Variants in CDCA7L observed in about 807,000 individuals in gnomAD.
CDCA7L encodes cell division cycle associated 7 like, also known as cell division cycle-associated 7-like protein.
Under a neutral mutation model 57.4 loss-of-function variants are expected in CDCA7L, and 44 were observed. The observed-to-expected ratio is 0.77, with a 90% CI of 0.60 to 0.98. The LOEUF (loss-of-function observed/expected upper bound fraction) is 0.98. Ranked by LOEUF, CDCA7L falls within the 50% of genes least tolerant of loss-of-function variation. The pLI is 0.00. For synonymous variants in CDCA7L, 236 were observed against 202.8 expected (o/e 1.16, Z -1.39); for missense variants, 644 against 580.6 (o/e 1.11, Z -1.12).
Position 21,909,643 on chromosome 7 carries a change from G to T in CDCA7L, c.304-1136C>A, listed in dbSNP as rs192770711. 5.9e-5 allele frequency among the ~76,000 whole-genome samples: 9 copies of T among 152,230 alleles called. 1 individual carries two copies. The South Asian group carries it at 8.3e-4, about 14-fold the overall frequency. ...ATACCCTGAACTTCCCATATTAATA[G>T]CTTCAGAATTCAAAATGGTGTACTG... On this transcript the variant is annotated intron_variant, in intron 3 of 9. Coordinates refer to ENST00000406877, the MANE Select transcript of CDCA7L (RefSeq NM_018719.5).
chr7:21,902,949 G>GT (rs777549934), intron 9 of CDCA7L, 29 bp downstream of exon 9: 57 of 1,605,648 alleles, frequency 3.5e-5, no homozygotes, highest in Middle Eastern at 3.6e-4. Context: ...ATTTCAAGCT[G>GT]TTTTGTAAGC....
chr7:21,927,853 C>A (rs1785875103), intron 1 of CDCA7L, among the ~76,000 whole-genome samples: 1 of 152,240 alleles, frequency 6.6e-6, no homozygotes, highest in South Asian at 2.1e-4. Context: ...CTCCCTGGGA[C>A]AGAGCACCTG....
intron 1 of CDCA7L, among the ~76,000 whole-genome samples, chr7:21,933,378 T>C (rs924430127): frequency 1.3e-5 from 2 of 152,160 alleles, no homozygotes; most frequent in Non-Finnish European, 2.9e-5. Flanking sequence ...CTGTTCACGA[T>C]AGCAAAGACT....
intron 1 of CDCA7L, among the ~76,000 whole-genome samples, chr7:21,917,760 T>A (rs10447610): frequency 0.45 from 68,616 of 152,008 alleles, 16,519 homozygotes; most frequent in Non-Finnish European, 0.55. Flanking sequence ...AATCCATATA[T>A]TCCCACACAT....
At chr7:21,945,380 C>T (rs112906570) in intron 1 of CDCA7L, among the ~76,000 whole-genome samples, 142 of 151,912 alleles carry the variant, frequency 9.3e-4, no homozygotes, top group African/African-American at 3.3e-3. Flanking sequence ...AAAATTACAA[C>T]TTTCTTAAGC....
chr7:21,916,607 G>C lies in CDCA7L; in HGVS notation c.165+147C>G, dbSNP rs560277484. 1.4e-5 allele frequency: 10 copies of C among 699,262 alleles called. No homozygotes were observed. In the East Asian group the frequency reaches 2.7e-4, roughly 19 times the overall value. The allele number at this position is 699,262 out of a possible 1,614,324, so 43.3% of individuals were successfully genotyped here. A position where few individuals can be genotyped will look rare whatever the true frequency, so the allele number is the denominator to read the frequency against. The stretch of plus-strand genomic sequence containing the variant: ...GTTCTCTCACCAGTTTTTTAAAACA[G>C]GAAGACACAGACATAATGTTTCTAA... On this transcript the variant is annotated intron_variant, in intron 2 of 9. Transcript: ENST00000406877.
chr7:21,924,893 GA>G (rs1785775121), intron 1 of CDCA7L, among the ~76,000 whole-genome samples: 2 of 152,060 alleles, frequency 1.3e-5, no homozygotes, highest in Non-Finnish European at 2.9e-5. Flanking sequence ...TCAATAAAAA[GA>G]AAACAAATAA....
At chr7:21,917,011 G>T (rs958990192) in intron 1 of CDCA7L, 117 bp from the exon 2 acceptor site, 1 of 1,138,186 alleles carries the variant, frequency 8.8e-7, no homozygotes. Context: ...CGGTTGCCCA[G>T]AAGTCCCCAG....
At chr7:21,921,249 A>G (rs1785640583) in intron 1 of CDCA7L, among the ~76,000 whole-genome samples, 1 of 152,006 alleles carries the variant, frequency 6.6e-6, no homozygotes, top group African/African-American at 2.4e-5. Context: ...GCACACTTTC[A>G]AAAAAACGGT....
Position 21,903,053 on chromosome 7 carries a change from C to T in CDCA7L, c.1259G>A (p.Gly420Asp). ...CNCSYCRKRDGRCATGILIHL... is the reference protein window; with the variant it reads ...CNCSYCRKRDDRCATGILIHL... The stretch of plus-strand genomic sequence containing the variant: ...AATGAGGATTCCTGTGGCACAGCGG[C>T]CGTCACGCTTCCGACAGTAGCTGCA... Residue 420 changes from glycine (G) to aspartate (D), a missense_variant, in exon 9 of 10, where the codon GGC becomes GAC. Gly to Asp is a moderately conservative substitution (Grantham distance 94). Transcript: ENST00000406877. The T allele has an allele frequency of 6.2e-7, 1 of 1,613,990 alleles. No individual in the cohort carries two copies. Among genetic ancestry groups the T allele is most frequent in the Non-Finnish European group, 8.5e-7 (1 of 1,179,890 alleles).
intron 1 of CDCA7L, among the ~76,000 whole-genome samples, chr7:21,922,265 G>A (rs1785675136): frequency 6.6e-6 from 1 of 152,148 alleles, no homozygotes; most frequent in African/African-American, 2.4e-5. Context: ...CAGATTACCT[G>A]AGAGCTTTTC....
Position 21,901,044 on chromosome 7 carries a change from AGCCCGTCTCAAGGAGCTGGCAT to A in CDCA7L, c.*1256_*1277del, listed in dbSNP as rs1257886811. 1.2e-6 allele frequency: 2 copies of A among 1,612,692 alleles called. No homozygotes were observed. The highest frequency in any genetic ancestry group is 1.7e-6 in the Non-Finnish European group (2 of 1,179,282). On this transcript the variant is annotated 3_prime_UTR_variant, in exon 10 of 10. Transcript: ENST00000406877. ...ACACCCAAGCAGGAACCATTGTTGA[AGCCCGTCTCAAGGAGCTGGCAT>A]GCCCTATGCCGGTCATCTTTGCAAA...
chr7:21,901,563 C>T lies in CDCA7L; in HGVS notation c.*759G>A, dbSNP rs1033609410. On this transcript the variant is annotated 3_prime_UTR_variant, in exon 10 of 10. Coordinates refer to ENST00000406877, the MANE Select transcript of CDCA7L (RefSeq NM_018719.5). ...CCTCCTGGGCAACAGAACAAGACTC[C>T]ATCTCAAAAAAAAAAAAGTACATCA... 3 of 199,250 alleles carry T rather than the reference C, an allele frequency of 1.5e-5. No individual in the cohort carries two copies. The highest frequency in any genetic ancestry group is 6.0e-5 in the Admixed American group (1 of 16,554). 12.3% of individuals were successfully genotyped at this position (199,250 alleles called of 1,614,324 possible). A position where few individuals can be genotyped will look rare whatever the true frequency, so the allele number is the denominator to read the frequency against.
intron 1 of CDCA7L, among the ~76,000 whole-genome samples, chr7:21,927,113 A>C (rs73281737): frequency 6.6e-6 from 1 of 152,204 alleles, no homozygotes; most frequent in East Asian, 1.9e-4. Context: ...CAAAAGAACA[A>C]AGACATATAA....
intron 4 of CDCA7L, among the ~76,000 whole-genome samples, chr7:21,907,437 A>G (rs1179772080): frequency 6.6e-6 from 1 of 152,208 alleles, no homozygotes; most frequent in Non-Finnish European, 1.5e-5. Flanking sequence ...AAATTACCAA[A>G]ATGCTAAAAG....
Position 21,900,938 on chromosome 7 carries a change from C to A in CDCA7L, c.*1384G>T. On this transcript the variant is annotated 3_prime_UTR_variant, in exon 10 of 10. Transcript: ENST00000406877. ...AATGTTGAATGTTTATTGCATCAAA[C>A]AACTTACTTGATCATTATCATTAGT... The A allele has an allele frequency of 7.2e-7, 1 of 1,388,918 alleles. No homozygotes were observed. Among genetic ancestry groups the A allele is most frequent in the Non-Finnish European group, 9.4e-7 (1 of 1,063,012 alleles). 86.0% of individuals were successfully genotyped at this position (1,388,918 alleles called of 1,614,324 possible).
At chr7:21,904,503 G>A (rs1417569598) in intron 7 of CDCA7L, among the ~76,000 whole-genome samples, 10 of 152,186 alleles carry the variant, frequency 6.6e-5, no homozygotes, top group Non-Finnish European at 8.8e-5. Flanking sequence ...GCGGACGGGC[G>A]AGCATTACCG....
chr7:21,929,519 TAA>T (rs1322753703), intron 1 of CDCA7L, among the ~76,000 whole-genome samples: 11 of 146,086 alleles, frequency 7.5e-5, no homozygotes, highest in Admixed American at 2.1e-4. Flanking sequence ...GCAAATTGGA[TAA>T]AGAGTCAAGA....
chr7:21,942,125 C>G (rs1786359716), intron 1 of CDCA7L, among the ~76,000 whole-genome samples: 1 of 152,206 alleles, frequency 6.6e-6, no homozygotes, highest in African/African-American at 2.4e-5. Context: ...GATCAGTGTA[C>G]TAACCCAGTC....
Sources: allele counts gnomAD v4.1 joint callset (sites outside exome capture counted in the v4.1 genomes callset), GRCh38; gene constraint gnomAD v4.1.1; transcripts MANE v1.5; gene names NCBI Gene and HGNC (gene_info 2026-07-23, HGNC 2026-07-21).